The following ZFHX3 variants were observed in gnomAD, a reference collection of about 807,000 sequenced individuals.
ZFHX3 encodes zinc finger homeobox 3.
Under a neutral mutation model 279.1 loss-of-function variants are expected in ZFHX3, and 42 were observed. The ratio of observed to expected loss-of-function variants is 0.15; its 90% confidence interval spans 0.12 to 0.19. ZFHX3 has a LOEUF of 0.19. Ranked by LOEUF, ZFHX3 falls within the 10% of genes least tolerant of loss-of-function variation. The pLI, the probability that ZFHX3 is intolerant of heterozygous loss-of-function variation, is 1.00. For synonymous variants in ZFHX3, 2,293 were observed against 1,957.8 expected (o/e 1.17, Z -4.52); for missense variants, 4,981 against 4,754.0 (o/e 1.05, Z -1.40).
At chr16:73,652,706 C>T (rs1288280743) in intron 2 of ZFHX3, among the ~76,000 whole-genome samples, 1 of 152,184 alleles carries the variant, frequency 6.6e-6, no homozygotes, top group East Asian at 1.9e-4. Flanking sequence ...TCTGGAGAAA[C>T]TGTAAAGGTA....
chr16:73,665,296 C>A (rs2052825477), intron 2 of ZFHX3, among the ~76,000 whole-genome samples: 1 of 151,628 alleles, frequency 6.6e-6, no homozygotes, highest in Admixed American at 6.6e-5. Flanking sequence ...TCATTGCAAC[C>A]TCCACCTCCC....
chr16:73,053,194 T>C (rs1010543125), intron 1 of ZFHX3, among the ~76,000 whole-genome samples: 3 of 152,168 alleles, frequency 2.0e-5, no homozygotes, highest in Non-Finnish European at 4.4e-5. Context: ...TCTTTTCTTT[T>C]TTGGAGGGGG....
intron 1 of ZFHX3, among the ~76,000 whole-genome samples, chr16:73,682,927 A>AG (rs1491551443): frequency 1.8e-3 from 37 of 21,070 alleles, no homozygotes; most frequent in South Asian, 0.011. Context: ...AGAGAAAGAG[A>AG]AAGAAAGAAA....
chr16:72,783,685 T>C lies in ZFHX3; in HGVS notation c.*3479A>G, dbSNP rs1372878354. On this transcript the variant is annotated 3_prime_UTR_variant, in exon 10 of 10. Transcript: ENST00000268489. ...GATGGATGAAATAACTCCCATTCTG[T>C]GGGTCAGACTGGTGTCTAGCACCAA... 12 of 152,194 alleles carry C rather than the reference T, an allele frequency of 7.9e-5. No homozygotes were observed. Among genetic ancestry groups the C allele is most frequent in the Admixed American group, 7.9e-4 (12 of 15,270 alleles). 9.4% of individuals were successfully genotyped at this position (152,194 alleles called of 1,614,324 possible).
At chr16:72,902,648 C>T (rs939540418) in intron 3 of ZFHX3, among the ~76,000 whole-genome samples, 1 of 152,200 alleles carries the variant, frequency 6.6e-6, no homozygotes, top group African/African-American at 2.4e-5. Context: ...GTGGAGGACA[C>T]CAATTAATCA....
chr16:72,930,003 A>G (rs1321662559), intron 3 of ZFHX3, among the ~76,000 whole-genome samples: 3 of 152,226 alleles, frequency 2.0e-5, no homozygotes, highest in Non-Finnish European at 2.9e-5. Flanking sequence ...GGATCACTGG[A>G]GGTCAGGAGT....
chr16:73,281,036 G>A (rs28825739), intron 4 of ZFHX3, among the ~76,000 whole-genome samples: 7,461 of 43,640 alleles, frequency 0.17, 606 homozygotes, highest in African/African-American at 0.36. Context: ...AGAGGGGAGG[G>A]GAGGGGAGGG....
chr16:72,976,669 C>G (rs1338762743), intron 1 of ZFHX3, among the ~76,000 whole-genome samples: 1 of 152,218 alleles, frequency 6.6e-6, no homozygotes, highest in Non-Finnish European at 1.5e-5. Context: ...ACACAATTAT[C>G]TGGGTTACTG....
intron 4 of ZFHX3, among the ~76,000 whole-genome samples, chr16:73,306,011 C>G (rs1370570137): frequency 6.6e-6 from 1 of 152,206 alleles, no homozygotes; most frequent in Non-Finnish European, 1.5e-5. Flanking sequence ...GATTCTGGCT[C>G]AGTGGAACCC....
At chr16:73,695,243 T>TTG (rs1555532909) in intron 1 of ZFHX3, among the ~76,000 whole-genome samples, 5 of 16,618 alleles carry the variant, frequency 3.0e-4, no homozygotes, top group Non-Finnish European at 3.8e-4. Flanking sequence ...TTTTTTTTTG[T>TTG]TTTTTTTTTT....
chr16:73,152,893 G>A (rs555565097), intron 5 of ZFHX3, among the ~76,000 whole-genome samples: 1 of 151,990 alleles, frequency 6.6e-6, no homozygotes, highest in Non-Finnish European at 1.5e-5. Context: ...CCTTCTAATC[G>A]CTGCAGCTCT....
rs181562903 is a variant in ZFHX3, at chr16:73,748,979, G to A, written c.-1607-68739C>T. On this transcript the variant is annotated intron_variant, in intron 1 of 17. Transcript: ENST00000641206. ...ATTTTTGTACATTTAGTAGAGACAG[G>A]GTTTCACCATGTTGGCCAGGCTGGT... is the stretch of plus-strand genomic sequence containing the variant. Among the ~76,000 whole-genome samples, 21 of 151,990 alleles carry A rather than the reference G, an allele frequency of 1.4e-4. 1 individual carries two copies. In the East Asian group the frequency reaches 3.5e-3, roughly 25 times the overall value.
At chr16:73,503,464 G>T (rs998826963) in intron 2 of ZFHX3, among the ~76,000 whole-genome samples, 1 of 152,248 alleles carries the variant, frequency 6.6e-6, no homozygotes, top group South Asian at 2.1e-4. Flanking sequence ...GGAGTTGACC[G>T]CACGTGTCTG....
intron 2 of ZFHX3, among the ~76,000 whole-genome samples, chr16:73,548,722 T>C (rs1027657370): frequency 7.9e-5 from 12 of 151,764 alleles, no homozygotes; most frequent in Admixed American, 2.0e-4. Flanking sequence ...AAACAAAATA[T>C]AAAAAAAATT....
At chr16:72,988,273 C>T (rs976239962) in intron 1 of ZFHX3, among the ~76,000 whole-genome samples, 6 of 152,182 alleles carry the variant, frequency 3.9e-5, no homozygotes, top group African/African-American at 1.4e-4. Context: ...ACCTGAAAGG[C>T]TCATAAGCAC....
At chr16:73,246,081 G>A (rs1377703387) in intron 5 of ZFHX3, among the ~76,000 whole-genome samples, 2 of 152,118 alleles carry the variant, frequency 1.3e-5, no homozygotes, top group African/African-American at 4.8e-5. Context: ...CAGTCCCAGG[G>A]TCCCAGCCAA....
chr16:73,563,048 A>G (rs963650191), intron 2 of ZFHX3, among the ~76,000 whole-genome samples: 4 of 152,266 alleles, frequency 2.6e-5, no homozygotes, highest in South Asian at 2.1e-4. Flanking sequence ...AATTTCAGTT[A>G]ACCAGCAGTA....
rs201394414 is a variant in ZFHX3, at chr16:73,634,460, AT to A, written c.-1547+45719del. Among the ~76,000 whole-genome samples, 14 of 143,238 alleles carry A rather than the reference AT, an allele frequency of 9.8e-5. No individual in the cohort carries two copies. In the East Asian group the frequency reaches 2.8e-3, roughly 29 times the overall value. 94.0% of individuals were successfully genotyped at this position (143,238 alleles called of 152,430 possible). ...TATATATATATATATATATATATAT[AT>A]AAAATATATATGTAAAAGTCATAAC... On this transcript the variant is annotated intron_variant, in intron 2 of 17. Coordinates refer to the ZFHX3 transcript ENST00000641206.
intron 2 of ZFHX3, among the ~76,000 whole-genome samples, chr16:73,561,792 C>A (rs955068742): frequency 6.6e-6 from 1 of 152,094 alleles, no homozygotes; most frequent in Admixed American, 6.5e-5. Flanking sequence ...GACAATAATA[C>A]TAATCAAAAG....
Sources: gnomAD v4.1 joint callset for allele counts (sites outside exome capture counted in the v4.1 genomes callset) on GRCh38, gnomAD v4.1.1 for gene constraint, MANE v1.5 for transcripts, NCBI Gene and HGNC (gene_info 2026-07-23, HGNC 2026-07-21) for gene names.